Variants in FAM177A1 observed in about 807,000 individuals in gnomAD.
The protein encoded by FAM177A1 is family with sequence similarity 177 member A1.
Under a neutral mutation model 26.1 loss-of-function variants are expected in FAM177A1, and 22 were observed. The observed-to-expected ratio is 0.84, with a 90% CI of 0.60 to 1.20. FAM177A1 has a LOEUF of 1.20. Ranked by LOEUF, FAM177A1 falls within the 50% of genes most tolerant of loss-of-function variation. The pLI, the probability that FAM177A1 is intolerant of heterozygous loss-of-function variation, is 0.00. For missense variants in FAM177A1, 296 were observed against 291.1 expected, an observed-to-expected ratio of 1.02 and a Z score of -0.12; for synonymous variants, 95 against 99.3, an observed-to-expected ratio of 0.96 and a Z score of 0.26.
chr14:35,045,094 A>G (rs1009164507), upstream of FAM177A1: 3 of 152,104 alleles, frequency 2.0e-5, no homozygotes, highest in Admixed American at 6.6e-5. Flanking sequence ...AGTCTTAACA[A>G]TTGGTTCTTT....
At position 35,081,307 on chromosome 14, in the gene FAM177A1, G is replaced by C; in HGVS notation, c.*79G>C. ...AACTTTCACATTCTTTATTCAGTGGGACTTAATACAATTATTTATATTTTA... is the reference window on the plus strand; with the variant it reads ...AACTTTCACATTCTTTATTCAGTGGCACTTAATACAATTATTTATATTTTA... On this transcript the variant is annotated 3_prime_UTR_variant, in exon 5 of 5. Transcript: ENST00000280987. 1.6e-6 allele frequency: 2 copies of C among 1,245,238 alleles called. No individual in the cohort carries two copies. The highest frequency in any genetic ancestry group is 2.2e-6 in the Non-Finnish European group (2 of 914,290). The allele number at this position is 1,245,238 out of a possible 1,614,324, so 77.1% of individuals were successfully genotyped here.
Position 35,046,363 on chromosome 14 carries a change from C to T in FAM177A1, c.-101C>T. On this transcript the variant is annotated 5_prime_UTR_variant, in exon 1 of 5. Coordinates refer to ENST00000280987, the MANE Select transcript of FAM177A1 (RefSeq NM_173607.5). ...GCCCCTCAGGCCGGCGAGTCCCCTT[C>T]TCAGAGACTTGGCTAGGCGCGGCGC... 3.0e-6 allele frequency: 4 copies of T among 1,336,778 alleles called. No individual in the cohort carries two copies. The highest frequency in any genetic ancestry group is 3.9e-6 in the Non-Finnish European group (4 of 1,022,012). 82.8% of individuals were successfully genotyped at this position (1,336,778 alleles called of 1,614,324 possible).
intron 2 of FAM177A1, among the ~76,000 whole-genome samples, chr14:35,054,043 G>T (rs2045021315): frequency 6.6e-6 from 1 of 152,066 alleles, no homozygotes; most frequent in Non-Finnish European, 1.5e-5. Context: ...CAGTTCCTTT[G>T]ATTTAAGGAC....
chr14:35,053,966 C>T (rs911868996), intron 2 of FAM177A1, among the ~76,000 whole-genome samples: 1 of 152,102 alleles, frequency 6.6e-6, no homozygotes, highest in African/African-American at 2.4e-5. Context: ...GCACTCCAGC[C>T]TCGGGGACAG....
intron 3 of FAM177A1, among the ~76,000 whole-genome samples, chr14:35,077,468 C>CTTTTTTTTTTTT (rs150813883): frequency 1.3e-5 from 1 of 79,528 alleles, no homozygotes; most frequent in Non-Finnish European, 2.3e-5. Context: ...TTTTCAAGTT[C>CTTTTTTTTTTTT]TTTTTTTTTT....
intron 1 of FAM177A1, 75 bp downstream of exon 1, chr14:35,046,703 GC>G: frequency 6.8e-7 from 1 of 1,460,150 alleles, no homozygotes; most frequent in Non-Finnish European, 9.1e-7. Context: ...CGCTCTTTTA[GC>G]CTGCGCGGCC....
intron 4 of FAM177A1, among the ~76,000 whole-genome samples, chr14:35,079,982 T>C (rs1308864943): frequency 1.3e-5 from 2 of 152,320 alleles, no homozygotes; most frequent in South Asian, 4.1e-4. Context: ...CAAATAAGTA[T>C]TTCTTAACAC....
At chr14:35,076,816 A>T (rs1423246383) in intron 2 of FAM177A1, among the ~76,000 whole-genome samples, 1 of 152,166 alleles carries the variant, frequency 6.6e-6, no homozygotes, top group Non-Finnish European at 1.5e-5. Flanking sequence ...TAAATAGTGG[A>T]GACAAAAATG....
rs1319978923 is a variant in FAM177A1, at chr14:35,059,445, A to G, written c.339+5994A>G. 2.7e-5 allele frequency among the ~76,000 whole-genome samples: 3 copies of G among 110,532 alleles called. No individual in the cohort carries two copies. In the East Asian group the frequency reaches 8.3e-4, roughly 30 times the overall value. The allele number at this position is 110,532 out of a possible 152,430, so 72.5% of individuals were successfully genotyped here. On this transcript the variant is annotated intron_variant, in intron 2 of 4. Coordinates refer to ENST00000280987, the MANE Select transcript of FAM177A1 (RefSeq NM_173607.5). ...ATTTACATCTGCCATTTTACCTTTT[A>G]TTTTCTATGTCTCATGTCTTTTTGC...
At chr14:35,064,569 A>C (rs954169619) in intron 2 of FAM177A1, among the ~76,000 whole-genome samples, 3 of 152,208 alleles carry the variant, frequency 2.0e-5, no homozygotes, top group Non-Finnish European at 4.4e-5. Context: ...ATACTTAGGA[A>C]ATGTGACTAT....
intron 1 of FAM177A1, 57 bp from the exon 2 acceptor site, chr14:35,053,217 GTGTA>G: frequency 6.7e-7 from 1 of 1,482,318 alleles, no homozygotes; most frequent in Non-Finnish European, 9.2e-7. Context: ...AGTTTTTCAC[GTGTA>G]ATGAAAGAAA....
chr14:35,059,924 C>T (rs186829762), intron 2 of FAM177A1, among the ~76,000 whole-genome samples: 2 of 151,998 alleles, frequency 1.3e-5, no homozygotes, highest in Non-Finnish European at 2.9e-5. Flanking sequence ...CTTGGCTTCC[C>T]AAAGTGCTGG....
chr14:35,063,362 A>G (rs1172476816), intron 2 of FAM177A1, among the ~76,000 whole-genome samples: 1 of 151,432 alleles, frequency 6.6e-6, no homozygotes, highest in Non-Finnish European at 1.5e-5. Flanking sequence ...CCCTGAGGTC[A>G]GGAGTTTGAG....
At chr14:35,058,008 C>G (rs2045089068) in intron 2 of FAM177A1, among the ~76,000 whole-genome samples, 1 of 151,990 alleles carries the variant, frequency 6.6e-6, no homozygotes, top group African/African-American at 2.4e-5. Flanking sequence ...TAGTATTGTT[C>G]AAGCTTTCTG....
intron 2 of FAM177A1, among the ~76,000 whole-genome samples, chr14:35,061,729 A>G (rs2045161595): frequency 1.3e-5 from 2 of 151,228 alleles, no homozygotes; most frequent in Non-Finnish European, 2.9e-5. Flanking sequence ...TAACTGGCAC[A>G]TTGTGCACAT....
intron 2 of FAM177A1, among the ~76,000 whole-genome samples, chr14:35,058,091 G>A (rs1253851598): frequency 6.6e-6 from 1 of 151,040 alleles, no homozygotes; most frequent in Non-Finnish European, 1.5e-5. Flanking sequence ...ATTATTTTTC[G>A]AGACAGAGTT....
chr14:35,049,795 AAAAC>A (rs2044934731), intron 1 of FAM177A1, among the ~76,000 whole-genome samples: 1 of 152,186 alleles, frequency 6.6e-6, no homozygotes, highest in Non-Finnish European at 1.5e-5. Flanking sequence ...AAAAAAGAAA[AAAAC>A]AGATCCTGAG....
intron 2 of FAM177A1, among the ~76,000 whole-genome samples, chr14:35,059,217 G>C (rs2045111602): frequency 6.6e-6 from 1 of 151,864 alleles, no homozygotes; most frequent in Non-Finnish European, 1.5e-5. Context: ...GAGCCACCAC[G>C]CCTGGCCAGT....
At chr14:35,067,727 G>A (rs553068247) in intron 2 of FAM177A1, among the ~76,000 whole-genome samples, 1 of 152,190 alleles carries the variant, frequency 6.6e-6, no homozygotes, top group South Asian at 2.1e-4. Flanking sequence ...ATTTTGACAG[G>A]TATGTGGTGA....
Sources: allele counts gnomAD v4.1 joint callset (sites outside exome capture counted in the v4.1 genomes callset), GRCh38; gene constraint gnomAD v4.1.1; transcripts MANE v1.5; gene names NCBI Gene and HGNC (gene_info 2026-07-23, HGNC 2026-07-21).